The following FEM1C variants were observed in gnomAD, a reference collection of about 807,000 sequenced individuals.
The protein encoded by FEM1C is protein fem-1 homolog C.
In FEM1C, 15 loss-of-function variants were observed where a neutral mutation model predicts 37.6. The observed-to-expected ratio is 0.40, with a 90% CI of 0.27 to 0.61. The LOEUF (loss-of-function observed/expected upper bound fraction) is 0.61, where lower values mean the gene tolerates loss of function less well. FEM1C is among the 20% of genes least tolerant of loss of function. FEM1C has a pLI of 0.42. For synonymous variants in FEM1C, 287 were observed against 272.8 expected, an observed-to-expected ratio of 1.05 and a Z score of -0.51; for missense variants, 532 against 749.7, an observed-to-expected ratio of 0.71 and a Z score of 3.39.
At position 115,524,792 on chromosome 5, in the gene FEM1C, C is replaced by G; in HGVS notation, c.1370G>C (p.Cys457Ser). ...TTTGAAATGGTCTTGTTCTAGAGTA[C>G]AAGGAACTTTCTCTAACAAGCAAAT... ...HLICLLEKVP[C>S]TLEQDHFKKQ... The change falls in exon 3 of 3, where the codon TGT (cysteine) becomes TCT (serine). Residue 457 changes from cysteine to serine, a missense_variant. Cys to Ser is a moderately radical substitution (Grantham distance 112, BLOSUM62 -1). Transcript: ENST00000274457. The G allele has an allele frequency of 6.3e-7, 1 of 1,592,176 alleles. No individual in the cohort carries two copies. The highest frequency in any genetic ancestry group is 8.5e-7 in the Non-Finnish European group (1 of 1,170,278).
At chr5:115,539,542 A>C (rs113344312) in intron 2 of FEM1C, among the ~76,000 whole-genome samples, 6,113 of 152,076 alleles carry the variant, frequency 0.04, 343 homozygotes, top group African/African-American at 0.13. Flanking sequence ...TATATCAAAG[A>C]TTTTCTCCCC....
chr5:115,535,717 A>G (rs1754111529), intron 2 of FEM1C, among the ~76,000 whole-genome samples: 1 of 152,050 alleles, frequency 6.6e-6, no homozygotes, highest in Non-Finnish European at 1.5e-5. Context: ...AAGAGTTACC[A>G]TACAACCCAA....
intron 2 of FEM1C, among the ~76,000 whole-genome samples, chr5:115,529,620 G>A (rs966165423): frequency 2.6e-5 from 4 of 152,008 alleles, no homozygotes; most frequent in Admixed American, 1.3e-4. Flanking sequence ...GGGTAAATTT[G>A]TGAGTACATC....
At chr5:115,540,074 T>C (rs1007877599) in intron 2 of FEM1C, among the ~76,000 whole-genome samples, 1 of 152,080 alleles carries the variant, frequency 6.6e-6, no homozygotes, top group African/African-American at 2.4e-5. Flanking sequence ...TTAACTCTAG[T>C]CTTATTAATC....
chr5:115,535,270 A>G (rs1463562402), intron 2 of FEM1C, among the ~76,000 whole-genome samples: 2 of 115,718 alleles, frequency 1.7e-5, no homozygotes, highest in Admixed American at 9.9e-5. Flanking sequence ...TATAAACACC[A>G]CCATCAAAAA....
Position 115,524,808 on chromosome 5 carries a change from A to C in FEM1C, c.1354T>G (p.Leu452Val), listed in dbSNP as rs1166372102. Residue 452 changes from leucine to valine, a missense_variant, in exon 3 of 3, where the codon TTA becomes GTA. Leu to Val is a conservative substitution (Grantham distance 32). Around this residue, in one of 3 missense-constraint regions of FEM1C, gnomAD observed 237 missense variants for 260.5 expected, o/e 0.91. Coordinates refer to ENST00000274457, the MANE Select transcript of FEM1C (RefSeq NM_020177.3). ...TCTAGAGTACAAGGAACTTTCTCTA[A>C]CAAGCAAATTAAGTGCAAAATAATA... ...LSIILHLICL[L>V]EKVPCTLEQD... The C allele has an allele frequency of 1.9e-6, 3 of 1,601,418 alleles. No individual in the cohort carries two copies. The highest frequency in any genetic ancestry group is 2.6e-6 in the Non-Finnish European group (3 of 1,174,458).
intron 2 of FEM1C, among the ~76,000 whole-genome samples, chr5:115,527,671 T>G (rs1753922542): frequency 6.6e-6 from 1 of 152,090 alleles, no homozygotes; most frequent in African/African-American, 2.4e-5. Flanking sequence ...AGATGGCACT[T>G]TTCTCTATTC....
At chr5:115,541,595 T>C (rs1186983243) in intron 2 of FEM1C, among the ~76,000 whole-genome samples, 2 of 152,194 alleles carry the variant, frequency 1.3e-5, no homozygotes, top group African/African-American at 4.8e-5. Flanking sequence ...AGACACATTT[T>C]TGTTCAAGAA....
intron 2 of FEM1C, among the ~76,000 whole-genome samples, chr5:115,533,462 G>C (rs893134169): frequency 6.6e-6 from 1 of 152,008 alleles, no homozygotes; most frequent in Non-Finnish European, 1.5e-5. Context: ...AATTTAAAAA[G>C]TGAGTTACCA....
At chr5:115,530,930 A>G (rs1409062948) in intron 2 of FEM1C, among the ~76,000 whole-genome samples, 1 of 152,034 alleles carries the variant, frequency 6.6e-6, no homozygotes, top group Non-Finnish European at 1.5e-5. Context: ...AATTAGAGAA[A>G]GTAGAAGCAA....
At chr5:115,537,176 C>T (rs561446932) in intron 2 of FEM1C, among the ~76,000 whole-genome samples, 12 of 152,172 alleles carry the variant, frequency 7.9e-5, no homozygotes, top group African/African-American at 2.9e-4. Flanking sequence ...CCACTTCTAT[C>T]TTCCATCACA....
At chr5:115,537,236 C>T (rs1349969917) in intron 2 of FEM1C, among the ~76,000 whole-genome samples, 1 of 151,978 alleles carries the variant, frequency 6.6e-6, no homozygotes, top group African/African-American at 2.4e-5. Flanking sequence ...CCCTGGGTTT[C>T]CTGAATTTTA....
At chr5:115,536,985 T>A (rs1483426916) in intron 2 of FEM1C, among the ~76,000 whole-genome samples, 1 of 152,012 alleles carries the variant, frequency 6.6e-6, no homozygotes, top group East Asian at 1.9e-4. Flanking sequence ...AAGCAACTAA[T>A]TATGTGTAAA....
At chr5:115,529,879 A>G (rs1197386047) in intron 2 of FEM1C, among the ~76,000 whole-genome samples, 1 of 152,048 alleles carries the variant, frequency 6.6e-6, no homozygotes, top group Non-Finnish European at 1.5e-5. Context: ...TCTAACATAT[A>G]GAAAAAAATG....
At position 115,524,284 on chromosome 5, in the gene FEM1C, C is replaced by A; in HGVS notation, c.*24G>T. 3 of 1,597,034 alleles carry A rather than the reference C, an allele frequency of 1.9e-6. No homozygotes were observed. Among genetic ancestry groups the A allele is most frequent in the Non-Finnish European group, 2.6e-6 (3 of 1,166,060 alleles). On this transcript the variant is annotated 3_prime_UTR_variant, in exon 3 of 3. Transcript: ENST00000274457. The stretch of plus-strand genomic sequence containing the variant: ...CAACTGTTACCAATTCGTGCTTTAA[C>A]AGTGCTAAAATACAGTCAAGTTATC...
At chr5:115,536,451 G>A (rs1021984659) in intron 2 of FEM1C, among the ~76,000 whole-genome samples, 1 of 151,770 alleles carries the variant, frequency 6.6e-6, no homozygotes, top group Non-Finnish European at 1.5e-5. Flanking sequence ...TACAGAGGTG[G>A]TCCACTTGTA....
chr5:115,540,880 C>T (rs1381803646), intron 2 of FEM1C, among the ~76,000 whole-genome samples: 2 of 151,976 alleles, frequency 1.3e-5, no homozygotes, highest in Non-Finnish European at 2.9e-5. Flanking sequence ...AAAAATTCAA[C>T]AAACCTAAAC....
Position 115,524,377 on chromosome 5 carries a change from C to T in FEM1C, c.1785G>A (p.Val595=). The T allele has an allele frequency of 1.2e-6, 2 of 1,613,480 alleles. No homozygotes were observed. The highest frequency in any genetic ancestry group is 1.7e-6 in the Non-Finnish European group (2 of 1,179,654). ...TLQCLAARVI[V]NHRIYYKGHI... is the part of the protein sequence containing the mutation. Reference sequence around the variant, plus strand: ...GCCCTTTATAATATATTCTATGATTCACTATGACACGAGCAGCAAGACACT... The same window carrying T: ...GCCCTTTATAATATATTCTATGATTTACTATGACACGAGCAGCAAGACACT... The change falls in exon 3 of 3, where the codon GTG becomes GTA. Residue 595 remains valine, a synonymous_variant. Transcript: ENST00000274457.
chr5:115,543,746 T>C, intron 1 of FEM1C, 63 bp from the exon 2 acceptor site: 1 of 1,283,432 alleles, frequency 7.8e-7, no homozygotes, highest in Non-Finnish European at 9.8e-7. Flanking sequence ...AAACACTTCT[T>C]AATTTCCACT....
Sources: gnomAD v4.1 joint callset for allele counts (sites outside exome capture counted in the v4.1 genomes callset) on GRCh38, gnomAD v4.1.1 for gene constraint, gnomAD v4.1.1 regional missense constraint, MANE v1.5 for transcripts, NCBI Gene and HGNC (gene_info 2026-07-23, HGNC 2026-07-21) for gene names.